The following GPATCH2 variants were observed in gnomAD, a reference collection of about 807,000 sequenced individuals.
GPATCH2 encodes the protein G-patch domain containing 2, also known as G patch domain-containing protein 2.
Under a neutral mutation model 58.0 loss-of-function variants are expected in GPATCH2, and 51 were observed. That is an observed-to-expected ratio of 0.88 (90% CI 0.70 to 1.11). GPATCH2 has a LOEUF of 1.11. Ranked by LOEUF, GPATCH2 falls within the 50% of genes most tolerant of loss-of-function variation. GPATCH2 has a pLI of 0.00. For missense variants in GPATCH2, 625 were observed against 652.2 expected (o/e 0.96, Z 0.45); for synonymous variants, 222 against 218.5 (o/e 1.02, Z -0.14).
chr1:217,510,223 A>G (rs534693638), intron 6 of GPATCH2, among the ~76,000 whole-genome samples: 1 of 152,264 alleles, frequency 6.6e-6, no homozygotes, highest in Non-Finnish European at 1.5e-5. Flanking sequence ...AAATTTAAAC[A>G]TTTGCAAGGA....
At chr1:217,629,487 AG>A (rs1401683995) in intron 1 of GPATCH2, among the ~76,000 whole-genome samples, 10 of 152,146 alleles carry the variant, frequency 6.6e-5, no homozygotes, top group Admixed American at 3.3e-4. Flanking sequence ...ATTCTGATGT[AG>A]TCACCTACCC....
chr1:217,535,495 G>A (rs1320845854), intron 5 of GPATCH2, among the ~76,000 whole-genome samples: 1 of 152,102 alleles, frequency 6.6e-6, no homozygotes, highest in Non-Finnish European at 1.5e-5. Flanking sequence ...GACTACAGGT[G>A]CCCGCCACCA....
chr1:217,436,116 A>T (rs1426361672), intron 9 of GPATCH2, among the ~76,000 whole-genome samples: 1 of 152,154 alleles, frequency 6.6e-6, no homozygotes, highest in East Asian at 1.9e-4. Context: ...TGTTCTTATT[A>T]ACATATGTTT....
intron 5 of GPATCH2, among the ~76,000 whole-genome samples, chr1:217,522,961 ATTAACAT>A: frequency 6.6e-6 from 1 of 151,984 alleles, no homozygotes; most frequent in East Asian, 1.9e-4. Context: ...TAAAAAACAG[ATTAACAT>A]TTTATGTAAT....
chr1:217,494,299 C>G (rs567571627), intron 7 of GPATCH2, among the ~76,000 whole-genome samples: 1 of 152,276 alleles, frequency 6.6e-6, no homozygotes, highest in South Asian at 2.1e-4. Context: ...CTGGGGATAC[C>G]ACTGCAACTT....
intron 7 of GPATCH2, among the ~76,000 whole-genome samples, chr1:217,494,576 TA>T (rs1661914216): frequency 6.6e-6 from 1 of 152,022 alleles, no homozygotes. Context: ...TTGTCTCTAC[TA>T]AAAATAGAAA....
chr1:217,619,797 C>T lies in GPATCH2; in HGVS notation c.759G>A (p.Glu253=). The part of the protein sequence containing the change: ...MECEEQKVSD[E]LMSESDSSSL... The stretch of plus-strand genomic sequence containing the variant: ...ATAAAAGTCACCTTTCACTCATGAG[C>T]TCATCTGAGACTTTTTGCTCTTCAC... The change falls in exon 2 of 10, where the codon GAG becomes GAA. Residue 253 remains glutamate, a synonymous_variant. Transcript: ENST00000366935. The T allele has an allele frequency of 6.4e-7, 1 of 1,556,436 alleles. No homozygotes were observed. The highest frequency in any genetic ancestry group is 8.8e-7 in the Non-Finnish European group (1 of 1,140,730).
At chr1:217,588,769 T>C (rs1207432650) in intron 5 of GPATCH2, among the ~76,000 whole-genome samples, 1 of 152,162 alleles carries the variant, frequency 6.6e-6, no homozygotes, top group Admixed American at 6.5e-5. Flanking sequence ...GTAACCATTA[T>C]AAACTATTGT....
At chr1:217,476,622 T>C (rs1425733388) in intron 8 of GPATCH2, among the ~76,000 whole-genome samples, 6 of 152,166 alleles carry the variant, frequency 3.9e-5, no homozygotes, top group Non-Finnish European at 8.8e-5. Flanking sequence ...TGCCCTGTTA[T>C]AGCAGAAATC....
chr1:217,489,617 C>A (rs1661623157), intron 8 of GPATCH2, among the ~76,000 whole-genome samples: 1 of 152,168 alleles, frequency 6.6e-6, no homozygotes, highest in South Asian at 2.1e-4. Flanking sequence ...AATCCCAGCA[C>A]TTTGGGAGGC....
At chr1:217,595,647 G>A (rs142578780) in intron 5 of GPATCH2, among the ~76,000 whole-genome samples, 4,347 of 151,992 alleles carry the variant, frequency 0.029, 149 homozygotes, top group East Asian at 0.16. Flanking sequence ...TTACAGGCAT[G>A]TACCACCACG....
chr1:217,441,018 T>C (rs1252644757), intron 9 of GPATCH2, among the ~76,000 whole-genome samples: 1 of 152,102 alleles, frequency 6.6e-6, no homozygotes, highest in East Asian at 1.9e-4. Flanking sequence ...TTAAAGTTCA[T>C]ACGAAACCAA....
At chr1:217,557,871 C>T (rs1365902860) in intron 5 of GPATCH2, among the ~76,000 whole-genome samples, 1 of 152,104 alleles carries the variant, frequency 6.6e-6, no homozygotes, top group African/African-American at 2.4e-5. Context: ...AGTACATGAC[C>T]ATCATACCGT....
At chr1:217,617,247 T>G (rs1668931067) in intron 2 of GPATCH2, among the ~76,000 whole-genome samples, 1 of 152,204 alleles carries the variant, frequency 6.6e-6, no homozygotes, top group South Asian at 2.1e-4. Flanking sequence ...ATTTCACAAT[T>G]CATGCCTTTG....
chr1:217,448,321 T>C (rs1044332621), intron 9 of GPATCH2, among the ~76,000 whole-genome samples: 1 of 152,190 alleles, frequency 6.6e-6, no homozygotes, highest in Non-Finnish European at 1.5e-5. Context: ...AATTTCTAAA[T>C]GTGTATGGTT....
Position 217,429,999 on chromosome 1 carries a change from G to A in GPATCH2, c.*1146C>T, listed in dbSNP as rs1401051393. ...ATCATAATAAGTTGTTAATAATGAA[G>A]ATAATAAATAAAGATCTTCTAAACT... On this transcript the variant is annotated 3_prime_UTR_variant, in exon 10 of 10. Coordinates refer to ENST00000366935, the MANE Select transcript of GPATCH2 (RefSeq NM_018040.5). The A allele has an allele frequency of 1.3e-5, 2 of 152,014 alleles. No individual in the cohort carries two copies. The highest frequency in any genetic ancestry group is 2.9e-5 in the Non-Finnish European group (2 of 67,994). 9.4% of individuals were successfully genotyped at this position (152,014 alleles called of 1,614,324 possible). A position where few individuals can be genotyped will look rare whatever the true frequency, so the allele number is the denominator to read the frequency against.
rs138796272 is a variant in GPATCH2 at position 217,592,728 on chromosome 1, C to A, written c.1098+17593G>T. On this transcript the variant is annotated intron_variant, in intron 5 of 9. Coordinates refer to ENST00000366935, the MANE Select transcript of GPATCH2 (RefSeq NM_018040.5). The stretch of plus-strand genomic sequence containing the variant: ...ATTTAGAGATTAAAAATCTTATTAA[C>A]CTGGAGGTTAATAAGAAGATATTTC... 6.3e-3 allele frequency among the ~76,000 whole-genome samples: 955 copies of A among 151,814 alleles called. 8 individuals carry two copies. Among genetic ancestry groups the A allele is most frequent in the African/African-American group, 0.022 (902 of 41,488 alleles).
intron 5 of GPATCH2, chr1:217,609,510 A>G (rs1668527509): frequency 2.0e-6 from 2 of 984,042 alleles, no homozygotes; most frequent in Non-Finnish European, 2.4e-6. Flanking sequence ...TTTTTGCAGT[A>G]CAATGAAAGC....
intron 5 of GPATCH2, among the ~76,000 whole-genome samples, chr1:217,538,956 C>A (rs971514858): frequency 2.0e-5 from 3 of 152,038 alleles, no homozygotes; most frequent in African/African-American, 4.8e-5. Flanking sequence ...TTTCTTATAC[C>A]CTCTGCTTAT....
Sources: allele counts gnomAD v4.1 joint callset (sites outside exome capture counted in the v4.1 genomes callset), GRCh38; gene constraint gnomAD v4.1.1; transcripts MANE v1.5; gene names NCBI Gene and HGNC (gene_info 2026-07-23, HGNC 2026-07-21).